Variants in DNAJC1 observed in about 807,000 individuals in gnomAD.
The protein encoded by DNAJC1 is DnaJ heat shock protein family (Hsp40) member C1.
A neutral mutation model predicts 76.6 loss-of-function variants in DNAJC1; 58 were observed. The ratio of observed to expected loss-of-function variants is 0.76; its 90% CI spans 0.61 to 0.94. The LOEUF (loss-of-function observed/expected upper bound fraction) is 0.94. Ranked by LOEUF, DNAJC1 falls within the 40% of genes least tolerant of loss-of-function variation. DNAJC1 has a pLI of 0.00. For synonymous variants in DNAJC1, 258 were observed against 267.9 expected (o/e 0.96, Z 0.36); for missense variants, 689 against 677.3 (o/e 1.02, Z -0.19).
intron 9 of DNAJC1, among the ~76,000 whole-genome samples, chr10:21,788,634 C>T (rs1448175842): frequency 6.6e-6 from 1 of 152,164 alleles, no homozygotes; most frequent in Non-Finnish European, 1.5e-5. Flanking sequence ...CTTGCTGCCA[C>T]TGCACTTGGA....
rs1266644823 is a variant in DNAJC1 at position 21,987,889 on chromosome 10, G to C, written c.222+15324C>G. 2.0e-5 allele frequency among the ~76,000 whole-genome samples: 3 copies of C among 152,052 alleles called. No homozygotes were observed. The East Asian group carries it at 5.8e-4, about 29-fold the overall frequency. On this transcript the variant is annotated intron_variant, in intron 1 of 11. Coordinates refer to ENST00000376980, the MANE Select transcript of DNAJC1 (RefSeq NM_022365.4). ...ACTCTTCTCATTAGCCCATGTTTCT[G>C]ACTTGCCCTTGTGCACATATAATCC...
At chr10:21,875,770 C>A (rs1332764801) in intron 8 of DNAJC1, among the ~76,000 whole-genome samples, 2 of 152,046 alleles carry the variant, frequency 1.3e-5, no homozygotes, top group Non-Finnish European at 2.9e-5. Context: ...ACTACAAATA[C>A]AAAAATTAGC....
At chr10:21,766,963 C>T (rs1261041455) in intron 9 of DNAJC1, among the ~76,000 whole-genome samples, 1 of 143,808 alleles carries the variant, frequency 7.0e-6, no homozygotes, top group Non-Finnish European at 1.5e-5. Context: ...GAGTGAGACC[C>T]TGCCTAAAAA....
At chr10:21,803,310 T>A (rs576520398) in intron 9 of DNAJC1, among the ~76,000 whole-genome samples, 1 of 152,098 alleles carries the variant, frequency 6.6e-6, no homozygotes. Flanking sequence ...CAGGGAGAAC[T>A]AGGCAGGTGA....
intron 1 of DNAJC1, among the ~76,000 whole-genome samples, chr10:21,958,403 T>G (rs1440825548): frequency 6.6e-6 from 1 of 152,042 alleles, no homozygotes; most frequent in Non-Finnish European, 1.5e-5. Flanking sequence ...CCCAAAAAGA[T>G]TCCTTGTACC....
At chr10:21,772,128 A>G (rs1244592093) in intron 9 of DNAJC1, among the ~76,000 whole-genome samples, 3 of 152,016 alleles carry the variant, frequency 2.0e-5, no homozygotes, top group African/African-American at 7.2e-5. Context: ...TAAGTTGCCG[A>G]ATTCAGTTTG....
intron 9 of DNAJC1, among the ~76,000 whole-genome samples, chr10:21,797,616 T>G (rs948135536): frequency 1.3e-5 from 2 of 152,154 alleles, no homozygotes; most frequent in Non-Finnish European, 2.9e-5. Context: ...AAGAAGCAAT[T>G]AGCTCAGGAG....
At chr10:21,844,218 A>C (rs1318070185) in intron 8 of DNAJC1, among the ~76,000 whole-genome samples, 1 of 152,006 alleles carries the variant, frequency 6.6e-6, no homozygotes, top group African/African-American at 2.4e-5. Context: ...CAATATACTC[A>C]GTCTCCCGAG....
intron 6 of DNAJC1, among the ~76,000 whole-genome samples, chr10:21,905,988 C>G (rs1370467015): frequency 6.6e-6 from 1 of 152,040 alleles, no homozygotes; most frequent in Non-Finnish European, 1.5e-5. Context: ...AATACTTAAA[C>G]CCTAGAAACT....
At chr10:22,001,158 T>C (rs1303868549) in intron 1 of DNAJC1, among the ~76,000 whole-genome samples, 1 of 152,216 alleles carries the variant, frequency 6.6e-6, no homozygotes, top group Non-Finnish European at 1.5e-5. Flanking sequence ...CTCTGTTGCG[T>C]GAACAAGAAG....
At chr10:21,795,318 G>A (rs1264764331) in intron 9 of DNAJC1, among the ~76,000 whole-genome samples, 1 of 152,142 alleles carries the variant, frequency 6.6e-6, no homozygotes, top group Non-Finnish European at 1.5e-5. Context: ...ATGAAGAAAT[G>A]AACTGCTGAT....
In DNAJC1 at chr10:21,848,879, G is replaced by A. The variant is rs576763479; in HGVS notation, c.978+33403C>T. Among the ~76,000 whole-genome samples, 6 of 152,216 alleles carry A rather than the reference G, an allele frequency of 3.9e-5. No homozygotes were observed. In the East Asian group the frequency reaches 7.7e-4, roughly 20 times the overall value. ...GGATATTAAAACACTCTTAACCAATGAGTACAAGAAAAATCAAAAGGGAAA... is the reference window on the plus strand; with the variant it reads ...GGATATTAAAACACTCTTAACCAATAAGTACAAGAAAAATCAAAAGGGAAA... On this transcript the variant is annotated intron_variant, in intron 8 of 11. Transcript: ENST00000376980.
At chr10:21,822,431 T>A (rs931389957) in intron 8 of DNAJC1, among the ~76,000 whole-genome samples, 5 of 140,652 alleles carry the variant, frequency 3.6e-5, no homozygotes, top group Non-Finnish European at 6.1e-5. Context: ...ACAGCGAGAC[T>A]CCGACTCAAA....
At chr10:21,945,072 T>C (rs748518593) in intron 1 of DNAJC1, among the ~76,000 whole-genome samples, 6 of 152,182 alleles carry the variant, frequency 3.9e-5, no homozygotes, top group East Asian at 1.9e-4. Context: ...GTAGAAGCCA[T>C]TGGTATATGA....
intron 9 of DNAJC1, among the ~76,000 whole-genome samples, chr10:21,788,118 T>C (rs977024759): frequency 3.9e-5 from 6 of 152,210 alleles, no homozygotes; most frequent in African/African-American, 1.4e-4. Flanking sequence ...CCCATTGCCT[T>C]GGGCTGGAGC....
chr10:21,899,375 G>C (rs933725042), intron 7 of DNAJC1, among the ~76,000 whole-genome samples: 2 of 152,194 alleles, frequency 1.3e-5, no homozygotes, highest in Non-Finnish European at 2.9e-5. Flanking sequence ...GGCACCTCAC[G>C]AGTTAAGACC....
chr10:21,776,970 T>A (rs1286450811), intron 9 of DNAJC1, among the ~76,000 whole-genome samples: 2 of 152,200 alleles, frequency 1.3e-5, no homozygotes, highest in Non-Finnish European at 2.9e-5. Flanking sequence ...CAATTTTAAA[T>A]TGCATTAACA....
chr10:21,862,197 C>T (rs939926515), intron 8 of DNAJC1, among the ~76,000 whole-genome samples: 3 of 151,878 alleles, frequency 2.0e-5, no homozygotes, highest in Non-Finnish European at 2.9e-5. Context: ...GGATTACAGG[C>T]GTGAGCCACC....
intron 1 of DNAJC1, among the ~76,000 whole-genome samples, chr10:21,940,367 T>C (rs1837386798): frequency 6.6e-6 from 1 of 152,180 alleles, no homozygotes; most frequent in Middle Eastern, 3.2e-3. Flanking sequence ...TGGAGAGATG[T>C]ATTCAAATTT....
Sources: allele counts gnomAD v4.1 joint callset (sites outside exome capture counted in the v4.1 genomes callset), GRCh38; gene constraint gnomAD v4.1.1; transcripts MANE v1.5; gene names NCBI Gene and HGNC (gene_info 2026-07-23, HGNC 2026-07-21).